Variants in CTCFL observed in about 807,000 individuals in gnomAD.
CTCFL encodes the protein CCCTC-binding factor like.
A neutral mutation model predicts 67.4 loss-of-function variants in CTCFL; 36 were observed. The observed-to-expected ratio is 0.53, with a 90% confidence interval of 0.41 to 0.71. CTCFL has a LOEUF of 0.71. Among genes scored for constraint, CTCFL ranks in the 30% least tolerant of loss-of-function variants. CTCFL has a pLI of 0.00. For missense variants in CTCFL, 786 were observed against 835.2 expected (o/e 0.94, Z 0.73); for synonymous variants, 324 against 302.3 (o/e 1.07, Z -0.75).
At chr20:57,507,122 A>C in intron 9 of CTCFL, 2 of 874,032 alleles carry the variant, frequency 2.3e-6, no homozygotes, top group Non-Finnish European at 2.8e-6. Context: ...TGTTCCTTTC[A>C]AAAGAAACTT....
intron 3 of CTCFL, among the ~76,000 whole-genome samples, chr20:57,521,718 C>T (rs1331779521): frequency 2.0e-5 from 3 of 152,214 alleles, no homozygotes; most frequent in African/African-American, 7.2e-5. Context: ...TATACCCATA[C>T]AGGGATTATT....
intron 7 of CTCFL, chr20:57,513,671 G>A (rs1360253197): frequency 8.4e-7 from 1 of 1,187,756 alleles, no homozygotes; most frequent in African/African-American, 1.6e-5. Flanking sequence ...TGACAGAATG[G>A]TCCAGATGAA....
Position 57,512,651 on chromosome 20 carries a change from T to A in CTCFL, c.1432A>T (p.Lys478Ter), listed in dbSNP as rs773018907. 1.9e-6 allele frequency: 3 copies of A among 1,614,228 alleles called. No homozygotes were observed. Among genetic ancestry groups the A allele is most frequent in the Non-Finnish European group, 2.5e-6 (3 of 1,180,024 alleles). ...HERYALIQHQ[K>*]THKNEKRFKC... ...AACCTCTTCTCATTCTTATGAGTTT[T>A]CTGGTGCTGAATGAGGGCATAGCGT... Residue 478 changes from lysine (K) to a stop codon, truncating the protein, a stop_gained, in exon 8 of 11, where the codon AAA (lysine) becomes TAA (stop). Transcript: ENST00000243914. LOFTEE classifies it high-confidence loss of function.
At position 57,497,812 on chromosome 20, in the gene CTCFL, A is replaced by G. The variant is rs1029357042; in HGVS notation, c.*738T>C. ...AGCAATAATGGAATGTAACCAGGGCAATTTCATACCTGCCAAGGAGCATAA... is the reference window on the plus strand; with the variant it reads ...AGCAATAATGGAATGTAACCAGGGCGATTTCATACCTGCCAAGGAGCATAA... On this transcript the variant is annotated 3_prime_UTR_variant, in exon 11 of 11. Coordinates refer to ENST00000243914, the MANE Select transcript of CTCFL (RefSeq NM_001386993.1). 25 of 985,280 alleles carry G rather than the reference A, an allele frequency of 2.5e-5. No homozygotes were observed. Among genetic ancestry groups the G allele is most frequent in the Non-Finnish European group, 6.0e-6 (5 of 829,876 alleles). The allele number at this position is 985,280 out of a possible 1,614,324, so 61.0% of individuals were successfully genotyped here.
In CTCFL at chr20:57,523,055, T is replaced by A. The variant is rs779782099; in HGVS notation, c.754+13A>T. ...GTTTTAGGGAGTGTATTCTATGAGA[T>A]GAACTGGCCTACCCTTTGTCTTTCT... On this transcript the variant is annotated intron_variant, in intron 3 of 10. Coordinates refer to ENST00000243914, the MANE Select transcript of CTCFL (RefSeq NM_001386993.1). The A allele has an allele frequency of 1.2e-6, 2 of 1,606,376 alleles. No homozygotes were observed. Among genetic ancestry groups the A allele is most frequent in the Non-Finnish European group, 1.7e-6 (2 of 1,174,910 alleles).
chr20:57,504,375 GTTCAAGCGA>G (rs201576068), intron 9 of CTCFL, among the ~76,000 whole-genome samples: 1,943 of 151,312 alleles, frequency 0.013, 48 homozygotes, highest in African/African-American at 0.025. Context: ...TACTTCCCAG[GTTCAAGCGA>G]TTCTCCTGCC....
chr20:57,518,990 T>C, intron 4 of CTCFL, 99 bp from the exon 5 acceptor site: 1 of 1,408,064 alleles, frequency 7.1e-7, no homozygotes, highest in Non-Finnish European at 9.6e-7. Flanking sequence ...CAAAAATGCT[T>C]TAAAAATTAA....
rs1369577470 is a variant in CTCFL at position 57,508,727 on chromosome 20, G to A, written c.1553C>T (p.Ser518Phe). Reference sequence around the variant, plus strand: ...CTTCTGTCGGAAACATTTATTGCAAGAAAGGCAGGTGAATGGTTTCTCTCC... The same window carrying A: ...CTTCTGTCGGAAACATTTATTGCAAAAAAGGCAGGTGAATGGTTTCTCTCC... The part of the protein sequence containing the change: ...HTGEKPFTCL[S>F]CNKCFRQKQL... Residue 518 changes from serine to phenylalanine, a missense_variant, in exon 9 of 11, where the codon TCT (serine) becomes TTT (phenylalanine). By Grantham distance (155) the Ser-to-Phe change is radical. This residue lies in a region of CTCFL where 199 missense variants were observed against 196.7 expected (regional missense o/e 1.01). Coordinates refer to ENST00000243914, the MANE Select transcript of CTCFL (RefSeq NM_001386993.1). 1.9e-6 allele frequency: 3 copies of A among 1,614,092 alleles called. No individual in the cohort carries two copies. In the African/African-American group the frequency reaches 4.0e-5, roughly 22 times the overall value.
Position 57,497,621 on chromosome 20 carries a change from A to C in CTCFL, c.*929T>G. The C allele has an allele frequency of 1.0e-6, 1 of 985,346 alleles. No individual in the cohort carries two copies. The highest frequency in any genetic ancestry group is 1.2e-6 in the Non-Finnish European group (1 of 829,932). 61.0% of individuals were successfully genotyped at this position (985,346 alleles called of 1,614,324 possible). Reference sequence around the variant, plus strand: ...TGGAAAAATCTTGTCAACTGGCAAAAGGGAAATACTCACTAATCACTGGGC... The same window carrying C: ...TGGAAAAATCTTGTCAACTGGCAAACGGGAAATACTCACTAATCACTGGGC... On this transcript the variant is annotated 3_prime_UTR_variant, in exon 11 of 11. Transcript: ENST00000243914.
chr20:57,503,353 TG>T, intron 10 of CTCFL, 82 bp downstream of exon 10: 1 of 1,525,740 alleles, frequency 6.6e-7, no homozygotes, highest in Non-Finnish European at 9.0e-7. Flanking sequence ...ACACATCCCC[TG>T]GACAGTAACA....
At chr20:57,496,004 A>G, downstream of CTCFL, 1 of 372,794 alleles carries the variant, frequency 2.7e-6, no homozygotes, top group East Asian at 3.9e-5. Flanking sequence ...TTTGAAATTA[A>G]CATACATTTG....
At chr20:57,521,948 A>C (rs1050845614) in intron 3 of CTCFL, among the ~76,000 whole-genome samples, 3 of 152,254 alleles carry the variant, frequency 2.0e-5, no homozygotes, top group Admixed American at 6.5e-5. Flanking sequence ...GTGACTGCCT[A>C]ATCGGTACAG....
At chr20:57,508,045 T>C (rs1204631618) in intron 9 of CTCFL, among the ~76,000 whole-genome samples, 2 of 152,086 alleles carry the variant, frequency 1.3e-5, no homozygotes, top group Non-Finnish European at 2.9e-5. Flanking sequence ...TGGGCTCAAG[T>C]GGTCCTCCTG....
At chr20:57,516,536 C>CA (rs1306326053) in intron 5 of CTCFL, among the ~76,000 whole-genome samples, 30 of 150,730 alleles carry the variant, frequency 2.0e-4, no homozygotes, top group African/African-American at 3.9e-4. Flanking sequence ...GACCATGTCT[C>CA]AAAAAAAATA....
intron 10 of CTCFL, among the ~76,000 whole-genome samples, chr20:57,500,819 G>A (rs1310760393): frequency 6.6e-6 from 1 of 151,888 alleles, no homozygotes; most frequent in East Asian, 1.9e-4. Context: ...AGGTTTAAGA[G>A]ATAATTAACA....
At chr20:57,504,166 CGG>C (rs1319401039) in intron 9 of CTCFL, among the ~76,000 whole-genome samples, 1 of 151,812 alleles carries the variant, frequency 6.6e-6, no homozygotes, top group African/African-American at 2.4e-5. Flanking sequence ...TTAGTAGAGA[CGG>C]GGTTTCACCG....
downstream of CTCFL, among the ~76,000 whole-genome samples, chr20:57,496,946 C>A (rs919053513): frequency 9.2e-5 from 14 of 151,358 alleles, no homozygotes; most frequent in African/African-American, 3.2e-4. Flanking sequence ...GCTTTTAGTT[C>A]TTCTGGGTAT....
chr20:57,524,625 G>A (rs2069714492), intron 1 of CTCFL: 1 of 1,023,124 alleles, frequency 9.8e-7, no homozygotes, highest in East Asian at 9.3e-5. Context: ...CTCTCGGCCA[G>A]TGCATATCCT....
At chr20:57,515,917 T>C in intron 5 of CTCFL, 83 bp from the exon 6 acceptor site, 1 of 1,427,596 alleles carries the variant, frequency 7.0e-7, no homozygotes, top group Non-Finnish European at 9.5e-7. Flanking sequence ...GTAAAAGAGA[T>C]TTAAATTAAT....
Sources: allele counts gnomAD v4.1 joint callset (sites outside exome capture counted in the v4.1 genomes callset), GRCh38; gene constraint gnomAD v4.1.1; regional missense constraint gnomAD v4.1.1; transcripts MANE v1.5; gene names NCBI Gene and HGNC (gene_info 2026-07-23, HGNC 2026-07-21).